The following MIA variants were observed in gnomAD, a reference collection of about 807,000 sequenced individuals.
MIA encodes the protein MIA SH3 domain containing, also known as melanoma-derived growth regulatory protein.
A neutral mutation model predicts 18.5 loss-of-function variants in MIA; 18 were observed. The observed-to-expected ratio is 0.97, with a 90% CI of 0.67 to 1.44. The LOEUF is 1.44. MIA is among the 40% of genes most tolerant of loss of function. The pLI, the probability that MIA is intolerant of heterozygous loss-of-function variation, is 0.00. For missense variants in MIA, 158 were observed against 172.4 expected (o/e 0.92, Z 0.47); for synonymous variants, 55 against 64.9 (o/e 0.85, Z 0.74).
chr19:40,775,247 T>C (rs1031527711), upstream of MIA: 4 of 354,690 alleles, frequency 1.1e-5, no homozygotes, highest in African/African-American at 8.2e-5. Flanking sequence ...TGGAATTGAA[T>C]ATTTCAACCA....
In MIA at chr19:40,777,432, C is replaced by A; in HGVS notation, c.*12C>A. 1 of 1,610,370 alleles carries A rather than the reference C, an allele frequency of 6.2e-7. No homozygotes were observed. Among genetic ancestry groups the A allele is most frequent in the Non-Finnish European group, 8.5e-7 (1 of 1,177,864 alleles). ...TCTACTGCCAGTGAGCTCAGCCTAC[C>A]GCTGGCCCTGCCGTTTCCCCTCCTT... On this transcript the variant is annotated 3_prime_UTR_variant, in exon 4 of 4. Transcript: ENST00000263369.
In MIA at chr19:40,777,026, A is replaced by G. The variant is rs144785745; in HGVS notation, c.319A>G (p.Ile107Val). The change falls in exon 3 of 4, where the codon ATT becomes GTT. Residue 107 changes from isoleucine to valine, a missense_variant. Transcript: ENST00000263369. Reference protein sequence around the residue: ...AARLGYFPSSIVREDQTLKPG... With the variant: ...AARLGYFPSSVVREDQTLKPG... ...TCGCCTGGGCTATTTCCCCAGTAGC[A>G]TTGTCCGAGAGGACCAGACCCTGAA... 195 of 1,613,618 alleles carry G rather than the reference A, an allele frequency of 1.2e-4. No homozygotes were observed. In the African/African-American group the frequency reaches 2.4e-3, roughly 20 times the overall value.
At chr19:40,775,979 T>G in intron 2 of MIA, 94 bp downstream of exon 2, 4 of 1,431,734 alleles carry the variant, frequency 2.8e-6, no homozygotes, top group South Asian at 1.3e-5. Context: ...TGAACTGAAA[T>G]AGACATTGTG....
rs1179393710 is a variant in MIA at position 40,776,961 on chromosome 19, T to C, written c.262-8T>C. 2 of 1,606,168 alleles carry C rather than the reference T, an allele frequency of 1.2e-6. No individual in the cohort carries two copies. Among genetic ancestry groups the C allele is most frequent in the Admixed American group, 3.4e-5 (2 of 59,696 alleles). ...CCCAGACCCTAGCTTTTAACTCCTC[T>C]TCCCCAGGTTCAGGGAGATTACTAT... On this transcript the variant is annotated splice_region_variant and splice_polypyrimidine_tract_variant and intron_variant, in intron 2 of 3. Coordinates refer to ENST00000263369, the MANE Select transcript of MIA (RefSeq NM_006533.4).
At position 40,777,466 on chromosome 19, in the gene MIA, G is replaced by A. The variant is rs1252705614; in HGVS notation, c.*46G>A. 1.3e-6 allele frequency: 2 copies of A among 1,577,278 alleles called. No individual in the cohort carries two copies. Among genetic ancestry groups the A allele is most frequent in the Non-Finnish European group, 1.7e-6 (2 of 1,151,846 alleles). On this transcript the variant is annotated 3_prime_UTR_variant, in exon 4 of 4. Coordinates refer to ENST00000263369, the MANE Select transcript of MIA (RefSeq NM_006533.4). ...TGCCGTTTCCCCTCCTTGGCTTTAT[G>A]CAAATACAATCAGCCCAGTGCAAAC...
At chr19:40,777,140 G>A in intron 3 of MIA, 61 bp downstream of exon 3, 3 of 1,429,362 alleles carry the variant, frequency 2.1e-6, no homozygotes, top group South Asian at 1.2e-5. Context: ...GTGGGGATGG[G>A]CAAAAATGCT....
rs751877558 is a variant in MIA, at chr19:40,775,834, G to A, written c.210G>A (p.Val70=). ...TGACCATTCACCGGGGCCAAGTGGT[G>A]TATGTCTTCTCCAAGCTGAAGGGCC... is the stretch of plus-strand genomic sequence containing the variant. ...RFLTIHRGQV[V]YVFSKLKGRG... The change falls in exon 2 of 4, where the codon GTG becomes GTA. Residue 70 remains valine (V), a synonymous_variant. Transcript: ENST00000263369. 6.2e-7 allele frequency: 1 copy of A among 1,613,964 alleles called. No individual in the cohort carries two copies. The highest frequency in any genetic ancestry group is 8.5e-7 in the Non-Finnish European group (1 of 1,180,034).
chr19:40,775,447 C>G (rs1189707666), upstream of MIA: 4 of 1,583,154 alleles, frequency 2.5e-6, no homozygotes, highest in Non-Finnish European at 8.6e-7. Context: ...GGGACAAGAC[C>G]AAGAACACAA....
rs1599735264 is a variant in MIA at position 40,776,957 on chromosome 19, C to T, written c.262-12C>T. 1.6e-5 allele frequency: 25 copies of T among 1,601,630 alleles called. No individual in the cohort carries two copies. The highest frequency in any genetic ancestry group is 2.1e-5 in the Non-Finnish European group (24 of 1,170,318). Reference sequence around the variant, plus strand: ...TCTTCCCAGACCCTAGCTTTTAACTCCTCTTCCCCAGGTTCAGGGAGATTA... The same window carrying T: ...TCTTCCCAGACCCTAGCTTTTAACTTCTCTTCCCCAGGTTCAGGGAGATTA... On this transcript the variant is annotated splice_polypyrimidine_tract_variant and intron_variant, in intron 2 of 3. Coordinates refer to ENST00000263369, the MANE Select transcript of MIA (RefSeq NM_006533.4).
At chr19:40,776,934 T>C in intron 2 of MIA, 35 bp from the exon 3 acceptor site, 1 of 1,517,746 alleles carries the variant, frequency 6.6e-7, no homozygotes, top group Admixed American at 1.8e-5. Flanking sequence ...GCTTGCCATC[T>C]TCCCAGACCC....
At chr19:40,775,453 C>G (rs970927794), upstream of MIA, 1 of 1,587,686 alleles carries the variant, frequency 6.3e-7, no homozygotes, top group Non-Finnish European at 8.6e-7. Flanking sequence ...AGACCAAGAA[C>G]ACAAGTTTCC....
Position 40,777,443 on chromosome 19 carries a change from C to T in MIA, c.*23C>T, listed in dbSNP as rs1200832515. 2 of 1,611,732 alleles carry T rather than the reference C, an allele frequency of 1.2e-6. No homozygotes were observed. Among genetic ancestry groups the T allele is most frequent in the Non-Finnish European group, 8.5e-7 (1 of 1,178,112 alleles). On this transcript the variant is annotated 3_prime_UTR_variant, in exon 4 of 4. Transcript: ENST00000263369. ...TGAGCTCAGCCTACCGCTGGCCCTGCCGTTTCCCCTCCTTGGCTTTATGCA... is the reference window on the plus strand; with the variant it reads ...TGAGCTCAGCCTACCGCTGGCCCTGTCGTTTCCCCTCCTTGGCTTTATGCA...
chr19:40,775,979 T>C, intron 2 of MIA, 94 bp downstream of exon 2: 1 of 1,431,742 alleles, frequency 7.0e-7, no homozygotes, highest in Non-Finnish European at 9.5e-7. Context: ...TGAACTGAAA[T>C]AGACATTGTG....
At chr19:40,775,234 A>C, upstream of MIA, 1 of 300,910 alleles carries the variant, frequency 3.3e-6, no homozygotes, top group Non-Finnish European at 6.3e-6. Flanking sequence ...ACTCAAGAGA[A>C]GATGGAATTG....
chr19:40,776,045 G>A (rs112887231), intron 2 of MIA, among the ~76,000 whole-genome samples, 160 bp downstream of exon 2: 1 of 151,762 alleles, frequency 6.6e-6, no homozygotes, highest in East Asian at 1.9e-4. Flanking sequence ...AATTTTTTCC[G>A]AGACAGAGTC....
chr19:40,776,679 C>A (rs1381630854), intron 2 of MIA: 1 of 241,362 alleles, frequency 4.1e-6, no homozygotes, highest in Non-Finnish European at 8.1e-6. Context: ...GAAGTTGAGG[C>A]TGCAGTGAGC....
Position 40,776,984 on chromosome 19 carries a change from T to C in MIA, c.277T>C (p.Tyr93His), listed in dbSNP as rs1352091330. 2 of 1,613,530 alleles carry C rather than the reference T, an allele frequency of 1.2e-6. No homozygotes were observed. The highest frequency in any genetic ancestry group is 2.2e-5 in the East Asian group (1 of 44,886). ...FWGGSVQGDYYGDLAARLGYF... is the reference protein window; with the variant it reads ...FWGGSVQGDYHGDLAARLGYF... The stretch of plus-strand genomic sequence containing the variant: ...TCTTCCCCAGGTTCAGGGAGATTAC[T>C]ATGGAGATCTGGCTGCTCGCCTGGG... Residue 93 changes from tyrosine (Y) to histidine (H), a missense_variant, in exon 3 of 4, where the codon TAT (tyrosine) becomes CAT (histidine). Physicochemically the swap from Tyr to His is moderately conservative, Grantham distance 83. Transcript: ENST00000263369.
Position 40,775,770 on chromosome 19 carries a change from T to C in MIA, c.146T>C (p.Val49Ala). ...QECSHPISMA[V>A]ALQDYMAPDC... The stretch of plus-strand genomic sequence containing the variant: ...TCCCTAGACCCTATCTCCATGGCTG[T>C]GGCCCTTCAGGACTACATGGCCCCC... Residue 49 changes from valine to alanine, a missense_variant, in exon 2 of 4, where the codon GTG (valine) becomes GCG (alanine). Val to Ala is a moderately conservative substitution (Grantham distance 64, BLOSUM62 0). Coordinates refer to ENST00000263369, the MANE Select transcript of MIA (RefSeq NM_006533.4). 1.9e-6 allele frequency: 3 copies of C among 1,613,788 alleles called. No individual in the cohort carries two copies. The highest frequency in any genetic ancestry group is 2.5e-6 in the Non-Finnish European group (3 of 1,180,012).
At chr19:40,776,218 G>C (rs1227761812) in intron 2 of MIA, among the ~76,000 whole-genome samples, 1 of 151,910 alleles carries the variant, frequency 6.6e-6, no homozygotes, top group Non-Finnish European at 1.5e-5. Context: ...GTAGAGACAG[G>C]GTTTTACCAT....
Sources: gnomAD v4.1 joint callset for allele counts (sites outside exome capture counted in the v4.1 genomes callset) on GRCh38, gnomAD v4.1.1 for gene constraint, MANE v1.5 for transcripts, NCBI Gene and HGNC (gene_info 2026-07-23, HGNC 2026-07-21) for gene names.